The following MYO18B variants were observed in gnomAD, a reference collection of about 807,000 sequenced individuals.
MYO18B encodes myosin XVIIIB.
Under a neutral mutation model 273.0 loss-of-function variants are expected in MYO18B, and 204 were observed. The observed-to-expected ratio is 0.75, with a 90% CI of 0.67 to 0.84. The LOEUF is 0.84. Among genes scored for constraint, MYO18B ranks in the 40% least tolerant of loss-of-function variants. MYO18B has a pLI of 0.00. For missense variants in MYO18B, 3,212 were observed against 3,287.6 expected (o/e 0.98, Z 0.56); for synonymous variants, 1,330 against 1,305.7 (o/e 1.02, Z -0.40).
Position 25,835,517 on chromosome 22 carries a change from G to A in MYO18B, c.3208+74G>A, listed in dbSNP as rs1048031483. On this transcript the variant is annotated intron_variant, in intron 17 of 43. Transcript: ENST00000335473. ...TAGAATCTGTTCTTCTCTGCTGCAGGGAAAGCCCTGACAAGGCCTGCACAG... is the reference window on the plus strand; with the variant it reads ...TAGAATCTGTTCTTCTCTGCTGCAGAGAAAGCCCTGACAAGGCCTGCACAG... 20 of 1,586,844 alleles carry A rather than the reference G, an allele frequency of 1.3e-5. No homozygotes were observed. The African/African-American group carries it at 1.9e-4, about 15-fold the overall frequency.
chr22:25,835,019 C>A (rs2089846094), intron 16 of MYO18B, among the ~76,000 whole-genome samples: 2 of 152,198 alleles, frequency 1.3e-5, no homozygotes, highest in South Asian at 4.1e-4. Flanking sequence ...CTCCATTACA[C>A]AGGAGGAAAC....
chr22:25,889,766 G>A (rs977241381), intron 25 of MYO18B, among the ~76,000 whole-genome samples: 5 of 151,920 alleles, frequency 3.3e-5, no homozygotes, highest in Non-Finnish European at 7.4e-5. Context: ...ATTTGGCATC[G>A]GTGGCTGGTC....
intron 39 of MYO18B, chr22:25,964,878 AGAATG>A (rs2092960225): frequency 6.6e-6 from 1 of 152,292 alleles, no homozygotes; most frequent in Admixed American, 6.5e-5. Flanking sequence ...GAGAAAGTCA[AGAATG>A]GAAAGAGGCG....
chr22:25,910,582 A>G (rs894053611), intron 32 of MYO18B, among the ~76,000 whole-genome samples: 10 of 152,146 alleles, frequency 6.6e-5, no homozygotes. Context: ...CATTTTTGAT[A>G]TGTTGGTTAT....
the MYO18B span, among the ~76,000 whole-genome samples, chr22:26,043,894 A>T: frequency 0.04 from 6,051 of 152,006 alleles, 165 homozygotes; most frequent in South Asian, 0.13. Flanking sequence ...CAGCCTCCTG[A>T]GGGTTACATG....
chr22:25,810,738 C>G (rs1022296607), intron 12 of MYO18B, among the ~76,000 whole-genome samples: 2 of 151,878 alleles, frequency 1.3e-5, no homozygotes, highest in African/African-American at 4.8e-5. Flanking sequence ...GCTTGGCCGA[C>G]TTTAATTCTG....
chr22:25,818,147 T>C (rs1362634456), intron 12 of MYO18B, among the ~76,000 whole-genome samples: 1 of 152,226 alleles, frequency 6.6e-6, no homozygotes, highest in African/African-American at 2.4e-5. Context: ...AGTACCTGGA[T>C]AGAGTGTGTG....
intron 34 of MYO18B, among the ~76,000 whole-genome samples, chr22:25,933,971 A>G (rs1033697761): frequency 6.6e-6 from 1 of 152,200 alleles, no homozygotes; most frequent in Non-Finnish European, 1.5e-5. Flanking sequence ...TGAAAGTCCT[A>G]CTGGCTTCCT....
intron 34 of MYO18B, among the ~76,000 whole-genome samples, chr22:25,944,866 C>G (rs917580311): frequency 7.1e-6 from 1 of 140,432 alleles, no homozygotes. Flanking sequence ...AAAAAAAAAG[C>G]TGAGTTAGAG....
At chr22:25,860,959 G>T (rs1198456130) in intron 21 of MYO18B, among the ~76,000 whole-genome samples, 1 of 151,784 alleles carries the variant, frequency 6.6e-6, no homozygotes, top group Non-Finnish European at 1.5e-5. Context: ...CACGATTATG[G>T]CTCACTGCAG....
At chr22:25,918,102 G>A (rs1034314242) in intron 33 of MYO18B, among the ~76,000 whole-genome samples, 3 of 152,056 alleles carry the variant, frequency 2.0e-5, no homozygotes, top group African/African-American at 7.2e-5. Context: ...AAGCGATAAG[G>A]TCCACTTAGC....
At chr22:25,793,094 A>G (rs738637) in intron 11 of MYO18B, among the ~76,000 whole-genome samples, 112,452 of 152,064 alleles carry the variant, frequency 0.74, 41,696 homozygotes, top group East Asian at 0.86. Flanking sequence ...AAGGCATGGA[A>G]GGAGAGAGGC....
At chr22:26,051,174 G>A in the MYO18B span, among the ~76,000 whole-genome samples, 3 of 150,204 alleles carry the variant, frequency 2.0e-5, no homozygotes, top group Admixed American at 6.6e-5. Context: ...GGTATTTTAG[G>A]TACATAGTGT....
chr22:25,965,270 A>G (rs1054522332), intron 39 of MYO18B, among the ~76,000 whole-genome samples: 3 of 152,212 alleles, frequency 2.0e-5, no homozygotes, highest in Non-Finnish European at 4.4e-5. Flanking sequence ...GGCGTAGAGC[A>G]GATTTGAGGA....
intron 15 of MYO18B, among the ~76,000 whole-genome samples, chr22:25,831,663 A>G (rs1489268944): frequency 6.6e-6 from 1 of 152,210 alleles, no homozygotes; most frequent in Non-Finnish European, 1.5e-5. Context: ...GATTACAGGC[A>G]TGAGCCACAG....
chr22:26,036,586 A>G, the MYO18B span, among the ~76,000 whole-genome samples: 2 of 152,188 alleles, frequency 1.3e-5, no homozygotes, highest in Non-Finnish European at 2.9e-5. Flanking sequence ...TACAGCTTGT[A>G]GGATTCACTG....
At chr22:25,835,203 GA>G in intron 16 of MYO18B, 92 bp from the exon 17 acceptor site, 1 of 1,441,060 alleles carries the variant, frequency 6.9e-7, no homozygotes, top group Non-Finnish European at 9.2e-7. Flanking sequence ...TTGGGACTTG[GA>G]TGCTCTCATT....
intron 7 of MYO18B, among the ~76,000 whole-genome samples, chr22:25,773,922 A>G (rs1314019477): frequency 6.6e-6 from 1 of 152,176 alleles, no homozygotes; most frequent in Non-Finnish European, 1.5e-5. Context: ...GAAGAGGCTC[A>G]GTGGAGGCAG....
the MYO18B span, among the ~76,000 whole-genome samples, chr22:26,061,037 GCA>G: frequency 9.7e-6 from 1 of 103,170 alleles, no homozygotes; most frequent in African/African-American, 8.2e-5. Flanking sequence ...AATTCAGTCA[GCA>G]TCTCCAGTGG....
Sources: allele counts gnomAD v4.1 joint callset (sites outside exome capture counted in the v4.1 genomes callset), GRCh38; gene constraint gnomAD v4.1.1; transcripts MANE v1.5; gene names NCBI Gene and HGNC (gene_info 2026-07-23, HGNC 2026-07-21).